Variants in GNE observed in about 807,000 individuals in gnomAD.
The protein encoded by GNE is glucosamine (UDP-N-acetyl)-2-epimerase/N-acetylmannosamine kinase.
A neutral mutation model predicts 61.8 loss-of-function variants in GNE; 41 were observed. That is an observed-to-expected ratio of 0.66 (90% confidence interval 0.52 to 0.86). The LOEUF (loss-of-function observed/expected upper bound fraction) is 0.86, where lower values mean the gene tolerates loss of function less well. GNE is among the 40% of genes least tolerant of loss of function. The pLI, the probability that GNE is intolerant of heterozygous loss-of-function variation, is 0.00. For synonymous variants in GNE, 264 were observed against 326.4 expected (o/e 0.81, Z 2.06); for missense variants, 608 against 909.1 (o/e 0.67, Z 4.26).
chr9:36,223,943 G>A (rs915625138), intron 7 of GNE, among the ~76,000 whole-genome samples: 4 of 151,750 alleles, frequency 2.6e-5, no homozygotes, highest in African/African-American at 9.7e-5. Flanking sequence ...GTAGAGATGG[G>A]GTTTCACCAT....
chr9:36,237,140 C>T (rs1428593396), intron 3 of GNE, among the ~76,000 whole-genome samples, 156 bp from the exon 4 acceptor site: 1 of 152,142 alleles, frequency 6.6e-6, no homozygotes, highest in Non-Finnish European at 1.5e-5. Flanking sequence ...AAATTAGAGT[C>T]AAATGATAAG....
At chr9:36,258,658 C>T (rs534738008), upstream of GNE, among the ~76,000 whole-genome samples, 4 of 152,372 alleles carry the variant, frequency 2.6e-5, no homozygotes, top group Non-Finnish European at 5.9e-5. Context: ...CGCGCTGGAG[C>T]TGCTGCGGGG....
chr9:36,273,574 C>T (rs1213283521), intron 1 of GNE, among the ~76,000 whole-genome samples: 2 of 151,870 alleles, frequency 1.3e-5, no homozygotes, highest in Non-Finnish European at 2.9e-5. Flanking sequence ...CCCAAAGCAC[C>T]CAATGACATT....
chr9:36,256,142 G>A (rs541422202), intron 1 of GNE, among the ~76,000 whole-genome samples: 1 of 151,722 alleles, frequency 6.6e-6, no homozygotes, highest in Non-Finnish European at 1.5e-5. Context: ...GGCCAGGCTG[G>A]TCTCGATCTC....
chr9:36,264,245 G>A (rs1299431985), intron 1 of GNE, among the ~76,000 whole-genome samples: 1 of 151,956 alleles, frequency 6.6e-6, no homozygotes, highest in Non-Finnish European at 1.5e-5. Context: ...TAATTTTTGT[G>A]CCTCAGCTTC....
rs1477138591 is a variant in GNE at position 36,215,060 on chromosome 9, T to TACACCTGTAATC, written c.*2293_*2304dup. On this transcript the variant is annotated 3_prime_UTR_variant, in exon 12 of 12. Transcript: ENST00000642385. Reference sequence around the variant, plus strand: ...GTCACTAGGGCCAGGTGTGATGGCTTACACCTGTAATCCCAGCACTTTGGG... The same window carrying TACACCTGTAATC: ...GTCACTAGGGCCAGGTGTGATGGCTTACACCTGTAATCACACCTGTAATCCCAGCACTTTGGG... The TACACCTGTAATC allele has an allele frequency of 1.3e-5, 2 of 152,076 alleles. No homozygotes were observed. The highest frequency in any genetic ancestry group is 2.9e-5 in the Non-Finnish European group (2 of 68,004). The allele number at this position is 152,076 out of a possible 1,614,324, so 9.4% of individuals were successfully genotyped here.
chr9:36,261,661 T>C (rs539349887), upstream of GNE, among the ~76,000 whole-genome samples: 54 of 141,780 alleles, frequency 3.8e-4, no homozygotes, highest in Admixed American at 3.4e-3. Flanking sequence ...TGGCTCAAGC[T>C]TGTAATCCCA....
chr9:36,258,490 C>T, upstream of GNE: 1 of 985,568 alleles, frequency 1.0e-6, no homozygotes, highest in Non-Finnish European at 1.2e-6. Context: ...GCTCGCCCAG[C>T]CACGCCCACC....
intron 1 of GNE, among the ~76,000 whole-genome samples, chr9:36,255,201 C>T (rs1436168352): frequency 6.6e-6 from 1 of 151,894 alleles, no homozygotes; most frequent in East Asian, 1.9e-4. Flanking sequence ...ATTTGTTTTG[C>T]CTCACAGTAT....
At chr9:36,271,185 C>T (rs1301717937) in intron 1 of GNE, among the ~76,000 whole-genome samples, 1 of 152,072 alleles carries the variant, frequency 6.6e-6, no homozygotes, top group African/African-American at 2.4e-5. Context: ...ATCCTTCTGC[C>T]CCAAAGAGTT....
intron 3 of GNE, 82 bp from the exon 4 acceptor site, chr9:36,237,066 C>CT (rs1204640547): frequency 1.3e-5 from 14 of 1,116,224 alleles, no homozygotes; most frequent in Non-Finnish European, 1.7e-5. Flanking sequence ...AAGCAAGACT[C>CT]TAAGTCTGTG....
At chr9:36,228,751 G>A (rs1199151808) in intron 6 of GNE, among the ~76,000 whole-genome samples, 4 of 137,020 alleles carry the variant, frequency 2.9e-5, no homozygotes, top group East Asian at 2.1e-4. Flanking sequence ...CTGAGATGGC[G>A]CCACTGCACT....
At chr9:36,259,273 G>A (rs537748071), upstream of GNE, among the ~76,000 whole-genome samples, 14 of 152,302 alleles carry the variant, frequency 9.2e-5, no homozygotes, top group Admixed American at 2.6e-4. Context: ...AGCATTTTAG[G>A]AAGCCAAGTG....
At chr9:36,229,723 A>C (rs1239055532) in intron 5 of GNE, among the ~76,000 whole-genome samples, 2 of 152,156 alleles carry the variant, frequency 1.3e-5, no homozygotes, top group African/African-American at 4.8e-5. Context: ...AAGATCACTC[A>C]TGGATAGGTC....
chr9:36,266,666 T>C (rs1325453939), intron 1 of GNE, among the ~76,000 whole-genome samples: 2 of 152,062 alleles, frequency 1.3e-5, no homozygotes, highest in Non-Finnish European at 2.9e-5. Flanking sequence ...TCCCAGCACT[T>C]TGGGAGGCCG....
At chr9:36,252,607 T>G (rs567991781) in intron 1 of GNE, among the ~76,000 whole-genome samples, 8 of 152,050 alleles carry the variant, frequency 5.3e-5, no homozygotes, top group Non-Finnish European at 1.0e-4. Flanking sequence ...CTAAAAAACC[T>G]TAAAAAGTCA....
intron 3 of GNE, among the ~76,000 whole-genome samples, chr9:36,237,491 T>C (rs1339429828): frequency 6.7e-6 from 1 of 150,268 alleles, no homozygotes; most frequent in Non-Finnish European, 1.5e-5. Context: ...ACTAGGAGAG[T>C]TTCGCTCATC....
At chr9:36,258,298 C>T (rs1830480547) in intron 1 of GNE, 23 bp downstream of exon 1, 1 of 984,908 alleles carries the variant, frequency 1.0e-6, no homozygotes, top group Admixed American at 6.1e-5. Context: ...TCCCGGAGTC[C>T]CACGCCGCCG....
At chr9:36,219,808 T>C in intron 10 of GNE, 30 bp downstream of exon 10, 3 of 1,594,154 alleles carry the variant, frequency 1.9e-6, no homozygotes, top group African/African-American at 2.7e-5. Context: ...ACTATTTGGT[T>C]ACTTAATTCC....
Sources: gnomAD v4.1 joint callset for allele counts (sites outside exome capture counted in the v4.1 genomes callset) on GRCh38, gnomAD v4.1.1 for gene constraint, MANE v1.5 for transcripts, NCBI Gene and HGNC (gene_info 2026-07-23, HGNC 2026-07-21) for gene names.